MYRIP: variants seen among roughly 807,000 people sequenced by gnomAD.
MYRIP encodes the protein myosin VIIA and Rab interacting protein, also known as rab effector MyRIP.
Under a neutral mutation model 98.0 loss-of-function variants are expected in MYRIP, and 49 were observed. That is an observed-to-expected ratio of 0.50 (90% CI 0.40 to 0.63). The LOEUF is 0.63. Ranked by LOEUF, MYRIP falls within the 30% of genes least tolerant of loss-of-function variation. The probability of loss-of-function intolerance (pLI) is 0.00; values close to 1 mark genes in which losing one functional copy is unlikely to be tolerated. For missense variants in MYRIP, 1,004 were observed against 1,058.2 expected, an observed-to-expected ratio of 0.95 and a Z score of 0.71; for synonymous variants, 404 against 409.5, an observed-to-expected ratio of 0.99 and a Z score of 0.16.
At chr3:39,987,210 A>C (rs1194711634) in intron 2 of MYRIP, among the ~76,000 whole-genome samples, 1 of 151,780 alleles carries the variant, frequency 6.6e-6, no homozygotes, top group African/African-American at 2.4e-5. Flanking sequence ...CCCTGTGTCC[A>C]TGTGTTCTCA....
chr3:39,940,234 C>G (rs912877857), intron 2 of MYRIP, among the ~76,000 whole-genome samples: 2 of 151,880 alleles, frequency 1.3e-5, no homozygotes, highest in Non-Finnish European at 2.9e-5. Flanking sequence ...CCTTTATACT[C>G]TATTGTATTT....
chr3:40,179,779 A>G (rs1363670622), intron 8 of MYRIP, among the ~76,000 whole-genome samples: 1 of 152,220 alleles, frequency 6.6e-6, no homozygotes, highest in Non-Finnish European at 1.5e-5. Flanking sequence ...ACAGCAAGTC[A>G]GTGCACAACG....
At chr3:40,171,228 C>T (rs528707793) in intron 8 of MYRIP, among the ~76,000 whole-genome samples, 24 of 151,870 alleles carry the variant, frequency 1.6e-4, no homozygotes, top group African/African-American at 5.6e-4. Flanking sequence ...GGAGGGGACA[C>T]GGGTAAGGCT....
intron 2 of MYRIP, among the ~76,000 whole-genome samples, chr3:39,988,808 A>G (rs1322576872): frequency 6.7e-6 from 1 of 149,620 alleles, no homozygotes; most frequent in East Asian, 2.0e-4. Flanking sequence ...TGATTTGGCT[A>G]TTGATACTTG....
intron 2 of MYRIP, among the ~76,000 whole-genome samples, chr3:39,956,795 G>T (rs1301459434): frequency 6.6e-6 from 1 of 151,626 alleles, no homozygotes; most frequent in Non-Finnish European, 1.5e-5. Context: ...GACTAAGAAA[G>T]AAGAAAAGAG....
At chr3:39,980,471 C>G (rs1051159749) in intron 2 of MYRIP, among the ~76,000 whole-genome samples, 22 of 152,214 alleles carry the variant, frequency 1.4e-4, no homozygotes, top group Admixed American at 6.5e-5. Flanking sequence ...GCACCATCAG[C>G]ATCCACTACA....
chr3:40,252,641 A>G (rs1405577158), intron 16 of MYRIP, among the ~76,000 whole-genome samples: 1 of 152,224 alleles, frequency 6.6e-6, no homozygotes, highest in Non-Finnish European at 1.5e-5. Flanking sequence ...CCCCGAAACC[A>G]GATGAACTAC....
chr3:40,227,549 G>A (rs1952523758), intron 11 of MYRIP, among the ~76,000 whole-genome samples: 1 of 152,032 alleles, frequency 6.6e-6, no homozygotes, highest in South Asian at 2.1e-4. Context: ...AGATTATAGA[G>A]GCTTTTTTCT....
At chr3:39,999,477 A>G (rs1243746109) in intron 2 of MYRIP, among the ~76,000 whole-genome samples, 4 of 152,230 alleles carry the variant, frequency 2.6e-5, no homozygotes, top group Non-Finnish European at 5.9e-5. Context: ...ACAATGAGAT[A>G]CCATCTCACA....
chr3:39,926,989 C>T (rs1303247797), intron 2 of MYRIP, among the ~76,000 whole-genome samples: 4 of 151,990 alleles, frequency 2.6e-5, no homozygotes, highest in Non-Finnish European at 4.4e-5. Flanking sequence ...TTGTTTATGT[C>T]ATCTGTAAAT....
chr3:39,959,913 G>T (rs147820698), intron 2 of MYRIP, among the ~76,000 whole-genome samples: 6 of 151,958 alleles, frequency 3.9e-5, no homozygotes, highest in African/African-American at 1.4e-4. Context: ...TCAACTTAGT[G>T]CCCCCCATGT....
chr3:39,889,942 G>T (rs947619889), intron 1 of MYRIP, among the ~76,000 whole-genome samples: 2 of 151,946 alleles, frequency 1.3e-5, no homozygotes, highest in Non-Finnish European at 2.9e-5. Context: ...TTCCAAAACT[G>T]AATCAATAAC....
At chr3:39,919,719 TGTGTGTGTGA>T (rs1302029044) in intron 2 of MYRIP, among the ~76,000 whole-genome samples, 2 of 146,856 alleles carry the variant, frequency 1.4e-5, no homozygotes, top group East Asian at 2.0e-4. Context: ...TGTGTGTGTG[TGTGTGTGTGA>T]GAGAGAGAGA....
intron 3 of MYRIP, among the ~76,000 whole-genome samples, chr3:40,115,049 ATGAAGTATTTC>A (rs1388947843): frequency 2.0e-5 from 3 of 152,172 alleles, no homozygotes; most frequent in African/African-American, 7.2e-5. Flanking sequence ...GGAAAAAAGA[ATGAAGTATTTC>A]TGATATGAAA....
chr3:39,875,320 T>A (rs1254056131), intron 1 of MYRIP, among the ~76,000 whole-genome samples: 4 of 152,018 alleles, frequency 2.6e-5, no homozygotes, highest in African/African-American at 9.7e-5. Context: ...TTTTGAAGGG[T>A]TTTTTGTGTC....
chr3:40,069,963 C>A (rs1042407719), intron 3 of MYRIP, among the ~76,000 whole-genome samples: 1 of 152,070 alleles, frequency 6.6e-6, no homozygotes, highest in African/African-American at 2.4e-5. Flanking sequence ...TAAAGTGGTT[C>A]GCAGTATCTT....
chr3:40,131,132 A>G (rs1949629439), intron 3 of MYRIP, among the ~76,000 whole-genome samples: 1 of 152,220 alleles, frequency 6.6e-6, no homozygotes, highest in Admixed American at 6.5e-5. Flanking sequence ...CAATACTTCT[A>G]CCTGCCCCCA....
At chr3:40,018,009 C>A (rs751578859) in intron 2 of MYRIP, among the ~76,000 whole-genome samples, 28 of 152,174 alleles carry the variant, frequency 1.8e-4, no homozygotes, top group Non-Finnish European at 3.5e-4. Flanking sequence ...GAATTGAGAC[C>A]TCTATGAACT....
intron 2 of MYRIP, among the ~76,000 whole-genome samples, chr3:39,922,206 T>A (rs1390659429): frequency 1.3e-5 from 2 of 152,124 alleles, no homozygotes; most frequent in African/African-American, 4.8e-5. Flanking sequence ...AAATACCAAT[T>A]GTCAGAGATG....
Sources: gnomAD v4.1 joint callset for allele counts (sites outside exome capture counted in the v4.1 genomes callset) on GRCh38, gnomAD v4.1.1 for gene constraint, MANE v1.5 for transcripts, NCBI Gene and HGNC (gene_info 2026-07-23, HGNC 2026-07-21) for gene names.